PDE4B: variants seen among roughly 807,000 people sequenced by gnomAD.
The protein encoded by PDE4B is phosphodiesterase 4B.
In PDE4B, 20 loss-of-function variants were observed where a neutral mutation model predicts 82.2. That is an observed-to-expected ratio of 0.24 (90% CI 0.17 to 0.35). The LOEUF is 0.35. Ranked by LOEUF, PDE4B falls within the 10% of genes least tolerant of loss-of-function variation. The probability of loss-of-function intolerance (pLI) is 1.00; values close to 1 mark genes in which losing one functional copy is unlikely to be tolerated. For synonymous variants in PDE4B, 320 were observed against 318.9 expected (o/e 1.00, Z -0.04); for missense variants, 655 against 907.2 (o/e 0.72, Z 3.57).
chr1:66,214,266 C>G (rs1293292619), intron 3 of PDE4B, among the ~76,000 whole-genome samples: 1 of 152,168 alleles, frequency 6.6e-6, no homozygotes, highest in Non-Finnish European at 1.5e-5. Context: ...GAAGAAAAGC[C>G]TCTGTTTAAG....
intron 7 of PDE4B, among the ~76,000 whole-genome samples, chr1:66,300,124 G>T (rs1012377216): frequency 6.6e-6 from 1 of 152,084 alleles, no homozygotes; most frequent in Non-Finnish European, 1.5e-5. Flanking sequence ...ACTTTCAAAG[G>T]TTCTATTTTA....
At chr1:66,354,682 T>C in intron 8 of PDE4B, 1 of 1,410,828 alleles carries the variant, frequency 7.1e-7, no homozygotes, top group South Asian at 1.6e-5. Flanking sequence ...GGGCTTTGTT[T>C]GGCTTAGGAA....
intron 1 of PDE4B, among the ~76,000 whole-genome samples, chr1:65,879,876 T>G (rs12088840): frequency 1.3e-5 from 2 of 152,232 alleles, no homozygotes; most frequent in African/African-American, 4.8e-5. Context: ...TCTCATTGTT[T>G]GCACAGACCA....
chr1:66,044,697 A>G (rs1654592115), intron 3 of PDE4B, among the ~76,000 whole-genome samples: 1 of 151,788 alleles, frequency 6.6e-6, no homozygotes, highest in Admixed American at 6.6e-5. Context: ...TGTGAATAAT[A>G]TTTTCCAAAT....
chr1:66,345,444 C>T (rs1236686692), intron 8 of PDE4B, among the ~76,000 whole-genome samples: 1 of 152,134 alleles, frequency 6.6e-6, no homozygotes, highest in Non-Finnish European at 1.5e-5. Flanking sequence ...TTGCAATTTA[C>T]TATCACAATT....
At chr1:66,089,042 CATT>C (rs1644957953) in intron 3 of PDE4B, among the ~76,000 whole-genome samples, 1 of 152,054 alleles carries the variant, frequency 6.6e-6, no homozygotes, top group Non-Finnish European at 1.5e-5. Context: ...CTGAGATTGA[CATT>C]GTTGTTATGA....
intron 3 of PDE4B, among the ~76,000 whole-genome samples, chr1:66,240,322 A>C (rs1652792743): frequency 6.6e-6 from 1 of 152,234 alleles, no homozygotes; most frequent in Non-Finnish European, 1.5e-5. Context: ...GGGGTTAAAA[A>C]TAAGAAAAAG....
At chr1:66,219,761 T>C (rs997261526) in intron 3 of PDE4B, among the ~76,000 whole-genome samples, 10 of 152,108 alleles carry the variant, frequency 6.6e-5, no homozygotes, top group Non-Finnish European at 4.4e-5. Flanking sequence ...GGATTCTGCA[T>C]GACCTTTCAG....
chr1:66,202,942 T>C lies in PDE4B; in HGVS notation c.282-44518T>C, dbSNP rs1649146528. 5.9e-5 allele frequency among the ~76,000 whole-genome samples: 9 copies of C among 152,018 alleles called. No homozygotes were observed. In the South Asian group the frequency reaches 1.9e-3, roughly 32 times the overall value. On this transcript the variant is annotated intron_variant, in intron 3 of 16. Coordinates refer to ENST00000341517, the MANE Select transcript of PDE4B (RefSeq NM_002600.4). ...TAGTTGATGCAGTTTCTTCCTAGCC[T>C]TGATGGTCTTTATAATTTGGCATGT...
intron 3 of PDE4B, among the ~76,000 whole-genome samples, chr1:66,181,592 A>G (rs1338594846): frequency 2.0e-5 from 3 of 152,174 alleles, no homozygotes; most frequent in African/African-American, 7.2e-5. Context: ...GACTTTCTAC[A>G]TTGAATAGCT....
At chr1:66,207,970 A>C (rs1227730692) in intron 3 of PDE4B, among the ~76,000 whole-genome samples, 1 of 152,198 alleles carries the variant, frequency 6.6e-6, no homozygotes, top group Admixed American at 6.5e-5. Flanking sequence ...CAGGTGCTAA[A>C]ATGTGACTTC....
intron 3 of PDE4B, among the ~76,000 whole-genome samples, chr1:66,143,700 T>G (rs1428169802): frequency 1.3e-5 from 2 of 152,232 alleles, no homozygotes; most frequent in African/African-American, 4.8e-5. Context: ...TAACATAGTT[T>G]AGGCCATTGA....
chr1:65,826,284 T>C (rs1646016525), intron 1 of PDE4B, among the ~76,000 whole-genome samples: 2 of 152,212 alleles, frequency 1.3e-5, no homozygotes, highest in African/African-American at 2.4e-5. Flanking sequence ...AAAGCATAGA[T>C]ATTTAATAAA....
intron 9 of PDE4B, among the ~76,000 whole-genome samples, chr1:66,358,268 T>C (rs1662427125): frequency 6.6e-6 from 1 of 152,220 alleles, no homozygotes; most frequent in Non-Finnish European, 1.5e-5. Context: ...GAAAGAAGGC[T>C]GTTAGGAACG....
chr1:66,015,688 T>C (rs1652734262), intron 3 of PDE4B, among the ~76,000 whole-genome samples: 1 of 152,192 alleles, frequency 6.6e-6, no homozygotes, highest in Admixed American at 6.5e-5. Context: ...GCTGATGCTC[T>C]GAGTTACTGA....
At chr1:66,161,483 C>T (rs1313220703) in intron 3 of PDE4B, among the ~76,000 whole-genome samples, 6 of 152,034 alleles carry the variant, frequency 3.9e-5, no homozygotes, top group African/African-American at 9.7e-5. Context: ...TTTTTAAGAG[C>T]GTCTTTTTCC....
intron 4 of PDE4B, among the ~76,000 whole-genome samples, chr1:66,251,821 G>A (rs779143019): frequency 5.3e-5 from 8 of 152,184 alleles, no homozygotes; most frequent in Non-Finnish European, 1.2e-4. Flanking sequence ...TGAAAAACAA[G>A]ACTGGAAAAG....
At chr1:65,973,917 A>G (rs1455045727) in intron 3 of PDE4B, among the ~76,000 whole-genome samples, 1 of 152,068 alleles carries the variant, frequency 6.6e-6, no homozygotes, top group Non-Finnish European at 1.5e-5. Flanking sequence ...GGTTCAAACA[A>G]TTCCCCTGCC....
In PDE4B at chr1:66,266,251, A is replaced by C. The variant is rs559347354; in HGVS notation, c.634+164A>C. The C allele has an allele frequency of 4.7e-5, 31 of 653,348 alleles. No individual in the cohort carries two copies. The Admixed American group carries it at 5.9e-4, about 12-fold the overall frequency. 40.5% of individuals were successfully genotyped at this position (653,348 alleles called of 1,614,324 possible). On this transcript the variant is annotated intron_variant, in intron 7 of 16. Transcript: ENST00000341517. ...CTAAGGTACACTGGAGCATTACTTCACTCTATTAAAACCACATTAAAAGCA... is the reference window on the plus strand; with the variant it reads ...CTAAGGTACACTGGAGCATTACTTCCCTCTATTAAAACCACATTAAAAGCA...
Sources: gnomAD v4.1 joint callset for allele counts (sites outside exome capture counted in the v4.1 genomes callset) on GRCh38, gnomAD v4.1.1 for gene constraint, MANE v1.5 for transcripts, NCBI Gene and HGNC (gene_info 2026-07-23, HGNC 2026-07-21) for gene names.